Variants in ALDH7A1 observed in about 807,000 individuals in gnomAD.
The protein encoded by ALDH7A1 is alpha-aminoadipic semialdehyde dehydrogenase.
ALDH7A1 carries 63 observed loss-of-function variants against 79.9 expected under a neutral mutation model. The ratio of observed to expected loss-of-function variants is 0.79; its 90% CI spans 0.64 to 0.97. The LOEUF is 0.97. Among genes scored for constraint, ALDH7A1 ranks in the 50% least tolerant of loss-of-function variants. The pLI is 0.00. For missense variants in ALDH7A1, 627 were observed against 665.2 expected (o/e 0.94, Z 0.63); for synonymous variants, 240 against 231.2 (o/e 1.04, Z -0.34).
At chr5:126,572,899 T>C (rs943740557) in intron 7 of ALDH7A1, among the ~76,000 whole-genome samples, 3 of 152,184 alleles carry the variant, frequency 2.0e-5, no homozygotes, top group Admixed American at 6.5e-5. Context: ...AGAAGAACCA[T>C]ATGTGGCCTG....
chr5:126,579,698 C>T (rs1159143081), intron 5 of ALDH7A1, among the ~76,000 whole-genome samples: 1 of 152,034 alleles, frequency 6.6e-6, no homozygotes, highest in African/African-American at 2.4e-5. Flanking sequence ...TGGCTCATGC[C>T]TACAATCCCA....
chr5:126,585,155 G>T (rs188927685), intron 3 of ALDH7A1, among the ~76,000 whole-genome samples: 1 of 152,030 alleles, frequency 6.6e-6, no homozygotes, highest in Non-Finnish European at 1.5e-5. Context: ...AAAATTAGCC[G>T]GGCATGGTGG....
At chr5:126,593,919 C>T (rs76654373) in intron 1 of ALDH7A1, 57 of 267,858 alleles carry the variant, frequency 2.1e-4, no homozygotes, top group African/African-American at 1.2e-3. Context: ...GATGAAACAC[C>T]GAGGTCTGAG....
At chr5:126,593,876 G>A (rs1751644408) in intron 1 of ALDH7A1, 1 of 273,618 alleles carries the variant, frequency 3.7e-6, no homozygotes. Flanking sequence ...AGGCCTCCAA[G>A]AGCCTAATGA....
intron 7 of ALDH7A1, among the ~76,000 whole-genome samples, chr5:126,573,759 T>C (rs36077292): frequency 0.13 from 19,899 of 150,154 alleles, 1,610 homozygotes; most frequent in African/African-American, 0.23. Context: ...CCCAGCTACT[T>C]GGGAGGTTGA....
rs758010873 is a variant in ALDH7A1, at chr5:126,583,891, T to C, written c.393+41A>G. 2.7e-6 allele frequency: 4 copies of C among 1,487,724 alleles called. No individual in the cohort carries two copies. In the Admixed American group the frequency reaches 6.7e-5, roughly 25 times the overall value. The allele number at this position is 1,487,724 out of a possible 1,614,324, so 92.2% of individuals were successfully genotyped here. ...ATAGAAAAGCATGACAGCCTTATTG[T>C]CCACTCAAAGAATTGTGTATATACT... is the stretch of plus-strand genomic sequence containing the variant. On this transcript the variant is annotated intron_variant, in intron 4 of 17. Transcript: ENST00000409134.
chr5:126,577,158 T>A lies in ALDH7A1; in HGVS notation c.571A>T (p.Ile191Phe). 6.2e-7 allele frequency: 1 copy of A among 1,614,180 alleles called. No individual in the cohort carries two copies. Among genetic ancestry groups the A allele is most frequent in the Non-Finnish European group, 8.5e-7 (1 of 1,180,034 alleles). The change falls in exon 6 of 18, where the codon ATC becomes TTC. Residue 191 changes from isoleucine (I) to phenylalanine (F), a missense_variant. Ile to Phe is a conservative substitution (Grantham distance 21, BLOSUM62 0). Coordinates refer to ENST00000409134, the MANE Select transcript of ALDH7A1 (RefSeq NM_001182.5). ...QWNPVGLVGIITAFNFPVAVY... is the reference protein window; with the variant it reads ...QWNPVGLVGIFTAFNFPVAVY... ...GCCACAGGGAAATTGAATGCCGTGA[T>A]GATTCCAACCAGGCCTACGGGATTC...
intron 11 of ALDH7A1, among the ~76,000 whole-genome samples, chr5:126,556,831 A>G (rs1462176379): frequency 1.3e-5 from 2 of 152,198 alleles, no homozygotes; most frequent in African/African-American, 2.4e-5. Context: ...CAAACCATCT[A>G]TGCTCTGGGT....
In ALDH7A1 at chr5:126,550,300, GGAGA is replaced by G. The variant is rs760470116; in HGVS notation, c.1318-11_1318-8del. On this transcript the variant is annotated splice_polypyrimidine_tract_variant and splice_region_variant and intron_variant, in intron 14 of 17. Transcript: ENST00000409134. ...CAAAGACCTCTTCTTCATTCTAAAA[GGAGA>G]GACATTGGAAGCTGTAAGATGTTAT... is the stretch of plus-strand genomic sequence containing the variant. The G allele has an allele frequency of 6.3e-7, 1 of 1,598,376 alleles. No individual in the cohort carries two copies. The highest frequency in any genetic ancestry group is 1.1e-5 in the South Asian group (1 of 90,780).
rs1253112457 is a variant in ALDH7A1 at position 126,544,659 on chromosome 5, G to A, written c.*306C>T. 2 of 376,024 alleles carry A rather than the reference G, an allele frequency of 5.3e-6. No individual in the cohort carries two copies. Among genetic ancestry groups the A allele is most frequent in the Non-Finnish European group, 1.0e-5 (2 of 200,290 alleles). 23.3% of individuals were successfully genotyped at this position (376,024 alleles called of 1,614,324 possible). ...TGTATTTTCCCAAATTCCTACCCTG[G>A]TACGTACTATTTTTTTCTAATTACA... On this transcript the variant is annotated 3_prime_UTR_variant, in exon 18 of 18. Coordinates refer to ENST00000409134, the MANE Select transcript of ALDH7A1 (RefSeq NM_001182.5).
chr5:126,593,747 C>T (rs1032654548), intron 1 of ALDH7A1: 10 of 394,284 alleles, frequency 2.5e-5, no homozygotes, highest in Non-Finnish European at 3.3e-5. Context: ...TTACTCTGCC[C>T]ACCCTCTGCT....
At chr5:126,559,116 T>C in intron 11 of ALDH7A1, 124 bp downstream of exon 11, 1 of 784,156 alleles carries the variant, frequency 1.3e-6, no homozygotes, top group East Asian at 2.8e-5. Flanking sequence ...GGACCACATA[T>C]TTGCCAGCCA....
rs1022401375 is a variant in ALDH7A1, at chr5:126,561,258, A to G, written c.872-134T>C. 3.3e-5 allele frequency: 22 copies of G among 661,080 alleles called. No individual in the cohort carries two copies. The African/African-American group carries it at 4.0e-4, about 12-fold the overall frequency. The allele number at this position is 661,080 out of a possible 1,614,324, so 41.0% of individuals were successfully genotyped here. A position where few individuals can be genotyped will look rare whatever the true frequency, so the allele number is the denominator to read the frequency against. Reference sequence around the variant, plus strand: ...TTTTTATATAGCCTATCCCAATCATATAGCCTATCCTGATTACACCCTATC... The same window carrying G: ...TTTTTATATAGCCTATCCCAATCATGTAGCCTATCCTGATTACACCCTATC... On this transcript the variant is annotated intron_variant, in intron 9 of 17. Transcript: ENST00000409134.
chr5:126,545,082 C>T, intron 17 of ALDH7A1, 63 bp from the exon 18 acceptor site: 2 of 1,247,718 alleles, frequency 1.6e-6, no homozygotes, highest in Non-Finnish European at 2.4e-6. Context: ...TTCATGCCCA[C>T]TTTTAAAATG....
At chr5:126,559,708 C>T (rs1750333767) in intron 10 of ALDH7A1, among the ~76,000 whole-genome samples, 1 of 152,140 alleles carries the variant, frequency 6.6e-6, no homozygotes, top group African/African-American at 2.4e-5. Flanking sequence ...GCTGGGATTA[C>T]AGGCGTGAGC....
chr5:126,581,837 G>A (rs921882917), intron 5 of ALDH7A1: 23 of 223,952 alleles, frequency 1.0e-4, no homozygotes, highest in Non-Finnish European at 1.6e-4. Context: ...AATTAGCCGG[G>A]TGTGATGGTG....
Position 126,595,190 on chromosome 5 carries a change from G to A in ALDH7A1, c.9C>T (p.Arg3=), listed in dbSNP as rs770033340. MW[R]LPRALCVHAA... ...CGTGCACACACAGCGCGCGAGGAAG[G>A]CGCCACATACTGAGCCCGGGACTCG... is the stretch of plus-strand genomic sequence containing the variant. The change falls in exon 1 of 18, where the codon CGC becomes CGT. Residue 3 remains arginine, a synonymous_variant. Coordinates refer to ENST00000409134, the MANE Select transcript of ALDH7A1 (RefSeq NM_001182.5). The A allele has an allele frequency of 2.6e-6, 4 of 1,552,122 alleles. No individual in the cohort carries two copies. The highest frequency in any genetic ancestry group is 4.9e-5 in the East Asian group (2 of 40,928).
At chr5:126,556,859 G>A (rs555670835) in intron 11 of ALDH7A1, among the ~76,000 whole-genome samples, 1 of 152,168 alleles carries the variant, frequency 6.6e-6, no homozygotes. Flanking sequence ...CACATGTGAT[G>A]AATGAATTGA....
intron 10 of ALDH7A1, among the ~76,000 whole-genome samples, 178 bp from the exon 11 acceptor site, chr5:126,559,512 T>G (rs1008163039): frequency 2.0e-5 from 3 of 146,960 alleles, no homozygotes; most frequent in Non-Finnish European, 4.5e-5. Context: ...CTCGGCTCAC[T>G]GCAACCTTTG....
Sources: gnomAD v4.1 joint callset for allele counts (sites outside exome capture counted in the v4.1 genomes callset) on GRCh38, gnomAD v4.1.1 for gene constraint, MANE v1.5 for transcripts, NCBI Gene and HGNC (gene_info 2026-07-23, HGNC 2026-07-21) for gene names.